SRGAP2B: variants seen among roughly 807,000 people sequenced by gnomAD.
The protein encoded by SRGAP2B is SLIT-ROBO Rho GTPase activating protein 2B, also known as SLIT-ROBO Rho GTPase-activating protein 2B.
A neutral mutation model predicts 22.2 loss-of-function variants in SRGAP2B; 9 were observed. The ratio of observed to expected loss-of-function variants is 0.41; its 90% confidence interval spans 0.24 to 0.71. The LOEUF is 0.71. SRGAP2B is among the 30% of genes least tolerant of loss of function. The pLI, the probability that SRGAP2B is intolerant of heterozygous loss-of-function variation, is 0.35. For synonymous variants in SRGAP2B, 36 were observed against 87.4 expected (o/e 0.41, Z 3.28); for missense variants, 114 against 235.8 (o/e 0.48, Z 3.38).
rs1341028744 is a variant in SRGAP2B at position 144,955,054 on chromosome 1, G to T, written c.423+385C>A. On this transcript the variant is annotated intron_variant, in intron 4 of 9. Coordinates refer to ENST00000612199, the Ensembl canonical transcript of SRGAP2B. ...AACACAGTTTTTGTTAATAGATGCA[G>T]ATTATGAATTATAGTACCAGCCCTG... 2.7e-5 allele frequency among the ~76,000 whole-genome samples: 4 copies of T among 150,494 alleles called. No homozygotes were observed. In the East Asian group the frequency reaches 7.8e-4, roughly 29 times the overall value.
chr1:144,934,542 T>C (rs1184920142), intron 4 of SRGAP2B, among the ~76,000 whole-genome samples: 13 of 148,198 alleles, frequency 8.8e-5, no homozygotes, highest in African/African-American at 3.1e-4. Context: ...ACCCTGCTTA[T>C]TGATTCCAAA....
intron 3 of SRGAP2B, among the ~76,000 whole-genome samples, chr1:144,982,950 CT>C (rs1669415777): frequency 6.8e-6 from 1 of 147,656 alleles, no homozygotes. Flanking sequence ...ACCAAAGAAC[CT>C]TCTGTTAATT....
chr1:144,975,103 C>G (rs1325661818), intron 3 of SRGAP2B, among the ~76,000 whole-genome samples: 1 of 149,360 alleles, frequency 6.7e-6, no homozygotes, highest in Non-Finnish European at 1.5e-5. Context: ...TCTGCTAAAG[C>G]CCTGACTTAA....
intron 3 of SRGAP2B, among the ~76,000 whole-genome samples, chr1:144,994,756 G>A (rs12563829): frequency 6.7e-6 from 1 of 149,760 alleles, no homozygotes; most frequent in Admixed American, 6.6e-5. Flanking sequence ...GCCCTTAGTA[G>A]CATGCCTGGC....
intron 2 of SRGAP2B, among the ~76,000 whole-genome samples, chr1:145,072,803 T>C (rs1553633683): frequency 6.7e-6 from 1 of 148,954 alleles, no homozygotes. Context: ...ATCAACCACT[T>C]CTGCCTCCAC....
At chr1:145,093,977 G>T (rs1358942251) in intron 1 of SRGAP2B, among the ~76,000 whole-genome samples, 1 of 149,026 alleles carries the variant, frequency 6.7e-6, no homozygotes, top group African/African-American at 2.6e-5. Context: ...AAATCTGCAG[G>T]AAAAAGCCTG....
At chr1:145,005,941 C>T (rs1174950468) in intron 2 of SRGAP2B, among the ~76,000 whole-genome samples, 1 of 150,528 alleles carries the variant, frequency 6.6e-6, no homozygotes, top group African/African-American at 2.5e-5. Flanking sequence ...TATTGAGGGC[C>T]TGCTCTGCCA....
intron 4 of SRGAP2B, among the ~76,000 whole-genome samples, chr1:144,930,767 A>G (rs1339066196): frequency 3.4e-5 from 5 of 147,988 alleles, no homozygotes; most frequent in African/African-American, 1.0e-4. Context: ...CTCCTTCATG[A>G]TATGTCTGGC....
In SRGAP2B at chr1:145,076,795, T is replaced by C. The variant is rs1414167704; in HGVS notation, c.67+16040A>G. On this transcript the variant is annotated intron_variant, in intron 2 of 9. Transcript: ENST00000612199. ...TCAAGGTCCTGATTATGATACTGTG[T>C]TATAGTTTTGCAAGATGTTAACCAT... Among the ~76,000 whole-genome samples, 5 of 145,660 alleles carry C rather than the reference T, an allele frequency of 3.4e-5. No individual in the cohort carries two copies. The East Asian group carries it at 9.9e-4, about 29-fold the overall frequency.
chr1:144,940,668 T>C (rs1287738626), intron 4 of SRGAP2B, among the ~76,000 whole-genome samples: 3 of 147,720 alleles, frequency 2.0e-5, no homozygotes, highest in African/African-American at 7.7e-5. Context: ...CTGGATGTGG[T>C]AGCCCACGCC....
intron 2 of SRGAP2B, among the ~76,000 whole-genome samples, chr1:144,998,748 C>T: frequency 6.6e-6 from 1 of 151,108 alleles, no homozygotes; most frequent in Non-Finnish European, 1.5e-5. Context: ...TCTAACTACT[C>T]TCACTCTTAG....
At chr1:145,015,698 G>C (rs1334270990) in intron 2 of SRGAP2B, among the ~76,000 whole-genome samples, 1 of 142,602 alleles carries the variant, frequency 7.0e-6, no homozygotes, top group Non-Finnish European at 1.5e-5. Flanking sequence ...CAAAGGCCCA[G>C]AGGCAACAGA....
chr1:144,943,552 A>T (rs1666233230), intron 4 of SRGAP2B, among the ~76,000 whole-genome samples: 1 of 146,034 alleles, frequency 6.8e-6, no homozygotes, highest in Non-Finnish European at 1.5e-5. Context: ...AAGGAGAGGG[A>T]GAAGGAAAGA....
At chr1:144,957,054 T>TA (rs1237821947) in intron 3 of SRGAP2B, among the ~76,000 whole-genome samples, 1 of 150,488 alleles carries the variant, frequency 6.6e-6, no homozygotes, top group African/African-American at 2.5e-5. Flanking sequence ...GTCATATAGC[T>TA]AAAAAGTGGC....
rs1439880582 is a variant in SRGAP2B at position 145,016,862 on chromosome 1, T to G, written c.68-21662A>C. On this transcript the variant is annotated intron_variant, in intron 2 of 9. Transcript: ENST00000612199. ...CTCAAGTTTTTTTTTTTTTGTTTTT[T>G]TTTTGAGACGGAGTCTCACTCTGTC... Among the ~76,000 whole-genome samples, 92 of 151,198 alleles carry G rather than the reference T, an allele frequency of 6.1e-4. 2 individuals are homozygous for G. Among genetic ancestry groups the G allele is most frequent in the Admixed American group, 9.9e-4 (15 of 15,210 alleles).
intron 2 of SRGAP2B, among the ~76,000 whole-genome samples, chr1:145,062,926 G>A (rs1476556667): frequency 2.7e-5 from 4 of 146,456 alleles, no homozygotes; most frequent in East Asian, 2.0e-4. Flanking sequence ...TCTGCCAATA[G>A]AGGCAAGGTA....
intron 2 of SRGAP2B, among the ~76,000 whole-genome samples, chr1:145,001,781 G>T (rs1293498598): frequency 6.6e-6 from 1 of 150,780 alleles, no homozygotes; most frequent in Non-Finnish European, 1.5e-5. Context: ...GGGACTTTGG[G>T]AAGCCAAGGT....
At chr1:144,925,213 C>G (rs587654075) in intron 4 of SRGAP2B, among the ~76,000 whole-genome samples, 1 of 150,120 alleles carries the variant, frequency 6.7e-6, no homozygotes, top group Admixed American at 6.6e-5. Context: ...CTATTTTGGC[C>G]GGGATGATCT....
At chr1:144,909,517 G>A (rs1663251807) in intron 5 of SRGAP2B, among the ~76,000 whole-genome samples, 1 of 144,806 alleles carries the variant, frequency 6.9e-6, no homozygotes, top group Non-Finnish European at 1.5e-5. Context: ...AACCTGGGAG[G>A]TGGAGCTTGC....
Sources: allele counts gnomAD v4.1 joint callset (sites outside exome capture counted in the v4.1 genomes callset), GRCh38; gene constraint gnomAD v4.1.1; transcripts MANE v1.5; gene names NCBI Gene and HGNC (gene_info 2026-07-23, HGNC 2026-07-21).